GSE1: variants seen among roughly 807,000 people sequenced by gnomAD.
The protein encoded by GSE1 is genetic suppressor element 1.
GSE1 carries 32 observed loss-of-function variants against 112.6 expected under a neutral mutation model. The ratio of observed to expected loss-of-function variants is 0.28; its 90% CI spans 0.21 to 0.38. The LOEUF is 0.38. Among genes scored for constraint, GSE1 ranks in the 10% least tolerant of loss-of-function variants. The pLI, the probability that GSE1 is intolerant of heterozygous loss-of-function variation, is 1.00. For missense variants in GSE1, 2,348 were observed against 1,699.2 expected (o/e 1.38, Z -6.71); for synonymous variants, 1,115 against 735.6 (o/e 1.52, Z -8.35).
exon 1 of GSE1, chr16:85,170,775 C>G (rs1456327380): frequency 1.0e-6 from 1 of 985,430 alleles, no homozygotes; most frequent in South Asian, 4.7e-5. Context: ...GCGAGGGCGG[C>G]AGTACCTTGG....
chr16:85,357,627 A>G, exon 2 of GSE1: 1 of 1,288,954 alleles, frequency 7.8e-7, no homozygotes, highest in Non-Finnish European at 1.0e-6. Context: ...AGGACGGACC[A>G]GACCTTACTG....
chr16:85,418,920 GTTGAC>G (rs1471862476), intron 2 of GSE1, among the ~76,000 whole-genome samples: 2 of 152,174 alleles, frequency 1.3e-5, no homozygotes, highest in Non-Finnish European at 2.9e-5. Flanking sequence ...CTCCAAGTCT[GTTGAC>G]TTGAGCGGCT....
chr16:85,663,621 C>T lies in GSE1; in HGVS notation c.2644+7C>T, dbSNP rs374165565. The T allele has an allele frequency of 1.3e-4, 204 of 1,606,798 alleles. No homozygotes were observed. The highest frequency in any genetic ancestry group is 1.7e-4 in the Non-Finnish European group (198 of 1,175,882). ...AGCGCTGAGAAGAGGAAAGGTAGGGCCTCGCCTGGGTAGGAAGGTGGGGGC... is the reference window on the plus strand; with the variant it reads ...AGCGCTGAGAAGAGGAAAGGTAGGGTCTCGCCTGGGTAGGAAGGTGGGGGC... On this transcript the variant is annotated splice_region_variant and intron_variant, in intron 11 of 15. Transcript: ENST00000253458.
chr16:85,243,544 G>A (rs954340828), intron 1 of GSE1, among the ~76,000 whole-genome samples: 5 of 152,242 alleles, frequency 3.3e-5, no homozygotes, highest in Non-Finnish European at 5.9e-5. Context: ...CTCCTGGAAG[G>A]CGGGGCTGGG....
intron 2 of GSE1, among the ~76,000 whole-genome samples, chr16:85,510,999 G>A (rs748624040): frequency 2.6e-5 from 4 of 152,176 alleles, no homozygotes; most frequent in African/African-American, 4.8e-5. Flanking sequence ...ACTTGCATGC[G>A]TTGCTCTTTA....
At chr16:85,507,922 G>A (rs2051594115) in intron 2 of GSE1, among the ~76,000 whole-genome samples, 1 of 152,102 alleles carries the variant, frequency 6.6e-6, no homozygotes, top group Non-Finnish European at 1.5e-5. Flanking sequence ...GTTTCTATGG[G>A]CTGAGCTCAC....
At chr16:85,368,954 C>T (rs1242312053) in intron 2 of GSE1, among the ~76,000 whole-genome samples, 7 of 152,020 alleles carry the variant, frequency 4.6e-5, no homozygotes, top group African/African-American at 9.7e-5. Flanking sequence ...TGCTGTGAGT[C>T]GGGTGCTGTG....
chr16:85,464,072 G>A (rs745895909), intron 2 of GSE1, among the ~76,000 whole-genome samples: 2 of 152,090 alleles, frequency 1.3e-5, no homozygotes, highest in Non-Finnish European at 2.9e-5. Context: ...GGCCAGCAGC[G>A]GGGGGACGAC....
chr16:85,341,296 C>A (rs1003393289), intron 1 of GSE1, among the ~76,000 whole-genome samples: 12 of 152,098 alleles, frequency 7.9e-5, no homozygotes, highest in African/African-American at 2.9e-4. Context: ...CTCAAGTGAT[C>A]CTCCTGCCTC....
intron 2 of GSE1, among the ~76,000 whole-genome samples, chr16:85,360,256 G>C (rs1348474382): frequency 6.6e-6 from 1 of 152,070 alleles, no homozygotes; most frequent in Admixed American, 6.5e-5. Context: ...TTGGGGGCGG[G>C]GGCCTGAGAG....
At chr16:85,294,548 G>T (rs1199710211) in intron 1 of GSE1, among the ~76,000 whole-genome samples, 2 of 151,400 alleles carry the variant, frequency 1.3e-5, no homozygotes, top group African/African-American at 2.4e-5. Flanking sequence ...CAACAGTGTG[G>T]GGCTGAATTT....
intron 1 of GSE1, among the ~76,000 whole-genome samples, chr16:85,341,512 G>C (rs937691185): frequency 6.6e-6 from 1 of 151,556 alleles, no homozygotes. Flanking sequence ...ACAAAAATTA[G>C]CTGGGCTTGG....
At chr16:85,604,324 G>A (rs951073234) in intron 1 of GSE1, among the ~76,000 whole-genome samples, 1 of 152,134 alleles carries the variant, frequency 6.6e-6, no homozygotes, top group African/African-American at 2.4e-5. Context: ...GTGTTGTAGC[G>A]TGGATTAGCA....
chr16:85,224,247 G>A (rs1022535502), intron 1 of GSE1, among the ~76,000 whole-genome samples: 2 of 124,166 alleles, frequency 1.6e-5, no homozygotes, highest in Admixed American at 8.7e-5. Context: ...GCGAGAAGGC[G>A]AGGGAGGAGG....
intron 1 of GSE1, among the ~76,000 whole-genome samples, chr16:85,252,270 C>T (rs997048763): frequency 3.9e-5 from 6 of 152,112 alleles, no homozygotes; most frequent in African/African-American, 1.2e-4. Flanking sequence ...ATGCGATCAC[C>T]CGGCCTGGCT....
rs562314575 is a variant in GSE1, at chr16:85,170,644, G to A, written c.1120G>A (p.Ala374Thr). 7.4e-5 allele frequency: 73 copies of A among 985,532 alleles called. No individual in the cohort carries two copies. In the African/African-American group the frequency reaches 1.2e-3, roughly 16 times the overall value. The allele number at this position is 985,532 out of a possible 1,614,324, so 61.0% of individuals were successfully genotyped here. A position where few individuals can be genotyped will look rare whatever the true frequency, so the allele number is the denominator to read the frequency against. Reference sequence around the variant, plus strand: ...AGGCCTTTGCTGCTACATCTGCGGGGCCCCGCTGTCCCCGGCCTCGCACCA... The same window carrying A: ...AGGCCTTTGCTGCTACATCTGCGGGACCCCGCTGTCCCCGGCCTCGCACCA... The change falls in exon 1 of 3, where the codon GCC (alanine) becomes ACC (threonine). Residue 374 changes from alanine (A) to threonine (T), a missense_variant. Transcript: ENST00000637419.
intron 1 of GSE1, among the ~76,000 whole-genome samples, chr16:85,221,217 C>T (rs903649871): frequency 1.3e-5 from 2 of 151,992 alleles, no homozygotes; most frequent in Non-Finnish European, 1.5e-5. Flanking sequence ...GCTGGGCGGG[C>T]GGGGGGCCGG....
At position 85,661,205 on chromosome 16, in the gene GSE1, C is replaced by T. The variant is rs1348024629; in HGVS notation, c.1700C>T (p.Pro567Leu). The change falls in exon 9 of 16, where the codon CCA becomes CTA. Residue 567 changes from proline to leucine, a missense_variant. By Grantham distance (98) the Pro-to-Leu change is moderately conservative. Coordinates refer to ENST00000253458, the MANE Select transcript of GSE1 (RefSeq NM_014615.5). Reference protein sequence around the residue: ...GRDPPQHFGGPPPLISPKPQL... With the variant: ...GRDPPQHFGGLPPLISPKPQL... ...GACCCTCCGCAGCACTTTGGGGGGCCACCACCTCTGATTTCGCCCAAGCCC... is the reference window on the plus strand; with the variant it reads ...GACCCTCCGCAGCACTTTGGGGGGCTACCACCTCTGATTTCGCCCAAGCCC... The T allele has an allele frequency of 6.2e-7, 1 of 1,606,854 alleles. No homozygotes were observed. The highest frequency in any genetic ancestry group is 1.1e-5 in the South Asian group (1 of 90,874).
rs180852337 is a variant in GSE1 at position 85,489,621 on chromosome 16, G to A, written c.2464+131978G>A. 1.2e-3 allele frequency among the ~76,000 whole-genome samples: 175 copies of A among 147,464 alleles called. 2 individuals are homozygous for A. Among genetic ancestry groups the A allele is most frequent in the African/African-American group, 4.2e-3 (170 of 40,238 alleles). Reference sequence around the variant, plus strand: ...TGCTTCATTCGTGAAGTTGCTACGCGGCCCGCGCCTCCTTCACAAGAGGAT... The same window carrying A: ...TGCTTCATTCGTGAAGTTGCTACGCAGCCCGCGCCTCCTTCACAAGAGGAT... On this transcript the variant is annotated intron_variant, in intron 2 of 2. Transcript: ENST00000637419.
Sources: allele counts gnomAD v4.1 joint callset (sites outside exome capture counted in the v4.1 genomes callset), GRCh38; gene constraint gnomAD v4.1.1; transcripts MANE v1.5; gene names NCBI Gene and HGNC (gene_info 2026-07-23, HGNC 2026-07-21).